The following SENP7 variants were observed in gnomAD, a reference collection of about 807,000 sequenced individuals.
SENP7 encodes the protein SUMO specific peptidase 7.
SENP7 carries 64 observed loss-of-function variants against 141.2 expected under a neutral mutation model. That is an observed-to-expected ratio of 0.45 (90% CI 0.37 to 0.56). The LOEUF (loss-of-function observed/expected upper bound fraction) is 0.56, where lower values mean the gene tolerates loss of function less well. Among genes scored for constraint, SENP7 ranks in the 20% least tolerant of loss-of-function variants. The pLI is 0.00. For synonymous variants in SENP7, 382 were observed against 426.4 expected (o/e 0.90, Z 1.28); for missense variants, 1,025 against 1,212.2 (o/e 0.85, Z 2.29).
At chr3:101,447,186 T>C (rs2062930249) in intron 4 of SENP7, among the ~76,000 whole-genome samples, 1 of 152,182 alleles carries the variant, frequency 6.6e-6, no homozygotes, top group African/African-American at 2.4e-5. Flanking sequence ...GGCTCACACC[T>C]ATAATACTAA....
intron 7 of SENP7, 130 bp from the exon 8 acceptor site, chr3:101,368,141 T>A (rs2060086272): frequency 1.6e-6 from 1 of 636,024 alleles, no homozygotes; most frequent in Non-Finnish European, 2.6e-6. Flanking sequence ...AATGTACTGT[T>A]AAATTCTCAT....
Position 101,394,693 on chromosome 3 carries a change from T to A in SENP7, c.677+4168A>T, listed in dbSNP as rs992282335. Among the ~76,000 whole-genome samples, 4 of 152,006 alleles carry A rather than the reference T, an allele frequency of 2.6e-5. No individual in the cohort carries two copies. In the East Asian group the frequency reaches 5.8e-4, roughly 22 times the overall value. On this transcript the variant is annotated intron_variant, in intron 6 of 23. Coordinates refer to ENST00000394095, the MANE Select transcript of SENP7 (RefSeq NM_020654.5). ...TTTTTTCTTTTTTGTTTCTTTTTTT[T>A]AATCTATTTTAGTTTTCTGAGAAAT... is the stretch of plus-strand genomic sequence containing the variant.
intron 3 of SENP7, among the ~76,000 whole-genome samples, chr3:101,487,419 G>A (rs1392167826): frequency 6.6e-6 from 1 of 152,004 alleles, no homozygotes; most frequent in Non-Finnish European, 1.5e-5. Context: ...CCATTCCTTA[G>A]GGATTTTGTT....
chr3:101,461,008 G>A (rs566742196), intron 3 of SENP7, among the ~76,000 whole-genome samples: 4 of 151,640 alleles, frequency 2.6e-5, no homozygotes, highest in Non-Finnish European at 5.9e-5. Context: ...GACAAAAATA[G>A]TTTTTAATGG....
intron 6 of SENP7, among the ~76,000 whole-genome samples, chr3:101,373,464 A>G (rs1400370912): frequency 6.6e-6 from 1 of 152,178 alleles, no homozygotes; most frequent in Non-Finnish European, 1.5e-5. Flanking sequence ...ATGTGACCTA[A>G]AAGACGATCT....
intron 6 of SENP7, among the ~76,000 whole-genome samples, chr3:101,380,443 C>G (rs56857432): frequency 2.1e-5 from 2 of 94,204 alleles, no homozygotes; most frequent in African/African-American, 6.8e-5. Flanking sequence ...CCGCCCCCCC[C>G]CCCACACACA....
intron 2 of SENP7, among the ~76,000 whole-genome samples, chr3:101,495,672 TCTCAC>T (rs2065132817): frequency 6.6e-6 from 1 of 152,188 alleles, no homozygotes; most frequent in Non-Finnish European, 1.5e-5. Context: ...CAATGCATGT[TCTCAC>T]TTTTAAGTGG....
chr3:101,429,634 AAC>A (rs2062087632), intron 4 of SENP7, among the ~76,000 whole-genome samples: 1 of 152,116 alleles, frequency 6.6e-6, no homozygotes. Context: ...GCCATCTGTA[AAC>A]AGAGACAATT....
intron 3 of SENP7, among the ~76,000 whole-genome samples, chr3:101,464,184 A>G (rs1559866810): frequency 6.6e-6 from 1 of 152,194 alleles, no homozygotes; most frequent in Non-Finnish European, 1.5e-5. Flanking sequence ...TCTCTGAAAG[A>G]AGTAAAAAGA....
intron 12 of SENP7, 36 bp downstream of exon 12, chr3:101,351,582 G>A (rs759813759): frequency 3.0e-6 from 4 of 1,313,180 alleles, no homozygotes; most frequent in Non-Finnish European, 2.0e-6. Flanking sequence ...AAAAACTATA[G>A]TAAAAAGACA....
intron 17 of SENP7, among the ~76,000 whole-genome samples, chr3:101,333,914 G>C (rs2059119044): frequency 6.6e-6 from 1 of 152,190 alleles, no homozygotes; most frequent in Non-Finnish European, 1.5e-5. Flanking sequence ...CCAGGGACAA[G>C]GTTAGGGGGG....
chr3:101,412,469 G>C (rs2061482618), intron 5 of SENP7, among the ~76,000 whole-genome samples: 2 of 151,816 alleles, frequency 1.3e-5, no homozygotes, highest in Non-Finnish European at 2.9e-5. Context: ...TAGATTACTG[G>C]CTTTAAAAAT....
chr3:101,422,847 T>TA (rs944784346), intron 4 of SENP7, among the ~76,000 whole-genome samples: 7 of 150,890 alleles, frequency 4.6e-5, no homozygotes, highest in East Asian at 1.9e-4. Flanking sequence ...TGCCTATGAA[T>TA]AAAAAAAAAT....
intron 6 of SENP7, among the ~76,000 whole-genome samples, chr3:101,374,577 T>C (rs2060267096): frequency 6.7e-6 from 1 of 150,102 alleles, no homozygotes; most frequent in African/African-American, 2.4e-5. Flanking sequence ...GGAACATAAT[T>C]CATTATGGGG....
At chr3:101,405,152 C>T (rs770856772) in intron 5 of SENP7, among the ~76,000 whole-genome samples, 11 of 152,144 alleles carry the variant, frequency 7.2e-5, no homozygotes, top group Non-Finnish European at 1.5e-4. Context: ...AGAGGACCCA[C>T]ACACCTCCTG....
intron 5 of SENP7, chr3:101,414,478 A>G (rs1435729752): frequency 4.0e-6 from 6 of 1,488,396 alleles, no homozygotes; most frequent in South Asian, 2.3e-5. Context: ...GCAATGCAAC[A>G]ACAAAGCCAA....
intron 22 of SENP7, 69 bp downstream of exon 22, chr3:101,328,409 C>A: frequency 1.9e-6 from 2 of 1,048,282 alleles, no homozygotes; most frequent in South Asian, 1.4e-5. Context: ...TTCAATAATT[C>A]TGAAGGTAAC....
chr3:101,509,084 A>G (rs1369057716), intron 1 of SENP7, among the ~76,000 whole-genome samples: 1 of 151,192 alleles, frequency 6.6e-6, no homozygotes, highest in Non-Finnish European at 1.5e-5. Flanking sequence ...CCTCTCTCCC[A>G]TTTCTTCTGG....
At chr3:101,429,543 T>A (rs895337121) in intron 4 of SENP7, among the ~76,000 whole-genome samples, 2 of 152,216 alleles carry the variant, frequency 1.3e-5, no homozygotes, top group Non-Finnish European at 2.9e-5. Context: ...TGATTTTGTA[T>A]CCCGAGACTT....
Sources: allele counts gnomAD v4.1 joint callset (sites outside exome capture counted in the v4.1 genomes callset), GRCh38; gene constraint gnomAD v4.1.1; transcripts MANE v1.5; gene names NCBI Gene and HGNC (gene_info 2026-07-23, HGNC 2026-07-21).